Variants in VWC2L observed in about 807,000 individuals in gnomAD.
The protein encoded by VWC2L is von Willebrand factor C domain-containing protein 2-like.
In VWC2L, 10 loss-of-function variants were observed where a neutral mutation model predicts 21.6. The ratio of observed to expected loss-of-function variants is 0.46; its 90% CI spans 0.29 to 0.78. The LOEUF (loss-of-function observed/expected upper bound fraction) is 0.78. Ranked by LOEUF, VWC2L falls within the 30% of genes least tolerant of loss-of-function variation. VWC2L has a pLI of 0.10. For missense variants in VWC2L, 209 were observed against 277.1 expected (o/e 0.75, Z 1.74); for synonymous variants, 96 against 94.3 (o/e 1.02, Z -0.10).
intron 3 of VWC2L, among the ~76,000 whole-genome samples, chr2:214,509,429 T>A (rs1389186506): frequency 2.0e-5 from 3 of 150,966 alleles, no homozygotes; most frequent in Non-Finnish European, 4.4e-5. Context: ...AGACAGAATT[T>A]TTTTTTCTAC....
intron 3 of VWC2L, among the ~76,000 whole-genome samples, chr2:214,556,100 A>G (rs1224192879): frequency 6.6e-6 from 1 of 152,134 alleles, no homozygotes; most frequent in Admixed American, 6.5e-5. Flanking sequence ...AAAAATAAAA[A>G]TAAATATAAA....
At chr2:214,471,284 T>C (rs190683895) in intron 3 of VWC2L, among the ~76,000 whole-genome samples, 39 of 152,298 alleles carry the variant, frequency 2.6e-4, no homozygotes, top group Middle Eastern at 3.4e-3. Flanking sequence ...TATAATTATG[T>C]ATAATTTAAA....
intron 3 of VWC2L, among the ~76,000 whole-genome samples, chr2:214,458,382 T>C (rs1241305144): frequency 6.6e-6 from 1 of 152,076 alleles, no homozygotes; most frequent in East Asian, 1.9e-4. Context: ...AAGACAACTT[T>C]TTGTTTGCTT....
At chr2:214,422,702 T>A (rs1702461216) in intron 2 of VWC2L, among the ~76,000 whole-genome samples, 1 of 152,202 alleles carries the variant, frequency 6.6e-6, no homozygotes, top group Admixed American at 6.5e-5. Flanking sequence ...CCATTGTTGA[T>A]TTCCTTGCCT....
intron 2 of VWC2L, among the ~76,000 whole-genome samples, chr2:214,419,859 G>A (rs373996532): frequency 6.6e-6 from 1 of 152,088 alleles, no homozygotes; most frequent in African/African-American, 2.4e-5. Context: ...AATAAAAGGG[G>A]ACCCGCCTGG....
chr2:214,536,975 T>TACACACACACACAC (rs66826019), intron 3 of VWC2L: 1 of 149,726 alleles, frequency 6.7e-6, no homozygotes, highest in African/African-American at 2.5e-5. Context: ...AATTATTTCC[T>TACACACACACACAC]ACACACACAC....
rs922935155 is a variant in VWC2L at position 214,453,622 on chromosome 2, C to T, written c.520+16864C>T. ...AATTCATGAATATGGTATGTCTCTCCATTTATTTAGTTCTTCCTTAATTTC... is the reference window on the plus strand; with the variant it reads ...AATTCATGAATATGGTATGTCTCTCTATTTATTTAGTTCTTCCTTAATTTC... On this transcript the variant is annotated intron_variant, in intron 3 of 3. Transcript: ENST00000312504. 2.6e-5 allele frequency among the ~76,000 whole-genome samples: 4 copies of T among 152,228 alleles called. No homozygotes were observed. In the East Asian group the frequency reaches 5.8e-4, roughly 22 times the overall value.
chr2:214,559,281 CAAT>C (rs1347391281), intron 3 of VWC2L, among the ~76,000 whole-genome samples: 1 of 152,156 alleles, frequency 6.6e-6, no homozygotes, highest in Non-Finnish European at 1.5e-5. Context: ...ATCAAAACCA[CAAT>C]GAGAAACCAT....
At chr2:214,542,879 A>G (rs1257334988) in intron 3 of VWC2L, among the ~76,000 whole-genome samples, 1 of 152,188 alleles carries the variant, frequency 6.6e-6, no homozygotes, top group Non-Finnish European at 1.5e-5. Flanking sequence ...CATGAGCCAA[A>G]TTAGGGTTCA....
At chr2:214,445,794 A>G (rs1356726700) in intron 3 of VWC2L, among the ~76,000 whole-genome samples, 1 of 152,016 alleles carries the variant, frequency 6.6e-6, no homozygotes, top group Non-Finnish European at 1.5e-5. Context: ...AACCAAGATG[A>G]TATAATTTTT....
At chr2:214,436,947 T>C (rs1460644635) in intron 3 of VWC2L, among the ~76,000 whole-genome samples, 189 bp downstream of exon 3, 2 of 152,176 alleles carry the variant, frequency 1.3e-5, no homozygotes, top group Admixed American at 1.3e-4. Flanking sequence ...TTGTGCAGCT[T>C]TCCATCTGGG....
At chr2:214,524,536 A>T (rs887043380) in intron 3 of VWC2L, among the ~76,000 whole-genome samples, 22 of 152,212 alleles carry the variant, frequency 1.4e-4, no homozygotes, top group African/African-American at 5.3e-4. Context: ...TAATTAACCC[A>T]GTTTGGATTC....
At chr2:214,541,506 A>G (rs915489103) in intron 3 of VWC2L, among the ~76,000 whole-genome samples, 1 of 152,214 alleles carries the variant, frequency 6.6e-6, no homozygotes, top group African/African-American at 2.4e-5. Flanking sequence ...GATTGAATGA[A>G]CTTAAAATTT....
intron 3 of VWC2L, among the ~76,000 whole-genome samples, chr2:214,476,405 T>C (rs1337195885): frequency 1.3e-5 from 2 of 152,210 alleles, no homozygotes; most frequent in African/African-American, 4.8e-5. Flanking sequence ...AATAGTATAG[T>C]AATTGCAGAA....
At chr2:214,464,312 A>G (rs1157106104) in intron 3 of VWC2L, among the ~76,000 whole-genome samples, 1 of 152,042 alleles carries the variant, frequency 6.6e-6, no homozygotes. Flanking sequence ...TTTTCCAACT[A>G]TTCAAAGGGA....
chr2:214,454,067 C>G (rs1265703045), intron 3 of VWC2L, among the ~76,000 whole-genome samples: 1 of 151,790 alleles, frequency 6.6e-6, no homozygotes, highest in East Asian at 1.9e-4. Context: ...GATTTTCTGA[C>G]TATTTGATAC....
intron 2 of VWC2L, among the ~76,000 whole-genome samples, chr2:214,421,883 A>ATTTTTTTTTTTTTTTTTTTTTT (rs1574555783): frequency 1.1e-5 from 1 of 88,354 alleles, no homozygotes; most frequent in African/African-American, 5.8e-5. Flanking sequence ...TATTTCCTAC[A>ATTTTTTTTTTTTTTTTTTTTTT]TCTTTTTTTT....
At chr2:214,539,200 G>A (rs1689588658) in intron 3 of VWC2L, among the ~76,000 whole-genome samples, 1 of 152,108 alleles carries the variant, frequency 6.6e-6, no homozygotes, top group Admixed American at 6.6e-5. Flanking sequence ...TGACAACATT[G>A]CAAAGGGGAT....
At chr2:214,450,570 G>A (rs949513532) in intron 3 of VWC2L, among the ~76,000 whole-genome samples, 3 of 152,116 alleles carry the variant, frequency 2.0e-5, no homozygotes, top group South Asian at 4.1e-4. Flanking sequence ...TGTGTTAATC[G>A]TATAACTAGG....
Sources: gnomAD v4.1 joint callset for allele counts (sites outside exome capture counted in the v4.1 genomes callset) on GRCh38, gnomAD v4.1.1 for gene constraint, MANE v1.5 for transcripts, NCBI Gene and HGNC (gene_info 2026-07-23, HGNC 2026-07-21) for gene names.